Variants in ANKRD36 observed in about 807,000 individuals in gnomAD.
ANKRD36 encodes the protein ankyrin repeat domain-containing protein 36A.
Under a neutral mutation model 278.1 loss-of-function variants are expected in ANKRD36, and 179 were observed. That is an observed-to-expected ratio of 0.64 (90% CI 0.57 to 0.73). ANKRD36 has a LOEUF of 0.73. Among genes scored for constraint, ANKRD36 ranks in the 30% least tolerant of loss-of-function variants. The pLI, the probability that ANKRD36 is intolerant of heterozygous loss-of-function variation, is 0.00. For synonymous variants in ANKRD36, 320 were observed against 641.1 expected (o/e 0.50, Z 7.57); for missense variants, 1,159 against 1,956.7 (o/e 0.59, Z 7.69).
chr2:97,144,174 G>A (rs983379845), intron 8 of ANKRD36, among the ~76,000 whole-genome samples: 5 of 152,044 alleles, frequency 3.3e-5, no homozygotes, highest in African/African-American at 7.2e-5. Context: ...CACCTGCTTC[G>A]ACATTGATTC....
At chr2:97,194,241 G>T (rs1009014899) in intron 38 of ANKRD36, among the ~76,000 whole-genome samples, 3 of 151,614 alleles carry the variant, frequency 2.0e-5, no homozygotes, top group East Asian at 2.0e-4. Flanking sequence ...TGAAGTGTAC[G>T]TTCAACTGGA....
chr2:97,222,132 A>G (rs1422857094), intron 66 of ANKRD36, among the ~76,000 whole-genome samples: 7 of 151,952 alleles, frequency 4.6e-5, no homozygotes, highest in Non-Finnish European at 8.8e-5. Context: ...TGTTCCATTG[A>G]TCTATATTTC....
intron 42 of ANKRD36, among the ~76,000 whole-genome samples, chr2:97,197,232 C>A (rs1211251511): frequency 1.3e-5 from 2 of 151,860 alleles, no homozygotes; most frequent in African/African-American, 4.8e-5. Flanking sequence ...AATCATTTTG[C>A]CAAAGAAGAC....
At chr2:97,186,279 G>A (rs1323779526) in intron 30 of ANKRD36, among the ~76,000 whole-genome samples, 2 of 150,776 alleles carry the variant, frequency 1.3e-5, no homozygotes, top group African/African-American at 4.9e-5. Context: ...GCTATCTCAC[G>A]GATAAAATAG....
chr2:97,229,385 T>C (rs1222727584), intron 67 of ANKRD36, among the ~76,000 whole-genome samples: 2 of 152,098 alleles, frequency 1.3e-5, no homozygotes, highest in African/African-American at 4.8e-5. Flanking sequence ...TCTTTACCAT[T>C]ATGTAATGGC....
At chr2:97,154,151 G>A (rs1423280787) in intron 14 of ANKRD36, among the ~76,000 whole-genome samples, 1 of 145,828 alleles carries the variant, frequency 6.9e-6, no homozygotes, top group Non-Finnish European at 1.6e-5. Flanking sequence ...AGAATCAATG[G>A]GCCCTCTTTA....
chr2:97,174,399 A>G (rs2053596857), intron 22 of ANKRD36, among the ~76,000 whole-genome samples: 1 of 151,548 alleles, frequency 6.6e-6, no homozygotes, highest in African/African-American at 2.4e-5. Flanking sequence ...GAATTGGGAT[A>G]AACCACAGTG....
intron 22 of ANKRD36, among the ~76,000 whole-genome samples, chr2:97,178,137 C>A (rs1247018047): frequency 9.3e-5 from 14 of 150,860 alleles, no homozygotes; most frequent in Non-Finnish European, 2.1e-4. Context: ...GATACCATCT[C>A]ACACCAGTTA....
chr2:97,115,321 GA>G (rs2034958073), intron 1 of ANKRD36, among the ~76,000 whole-genome samples: 1 of 151,560 alleles, frequency 6.6e-6, no homozygotes, highest in Admixed American at 6.6e-5. Flanking sequence ...AAAGATAACA[GA>G]AAAAAACACA....
intron 11 of ANKRD36, among the ~76,000 whole-genome samples, chr2:97,147,934 G>C (rs1331963107): frequency 2.0e-5 from 3 of 151,386 alleles, no homozygotes; most frequent in Non-Finnish European, 4.4e-5. Context: ...TGAAGAGTTT[G>C]CTGCCTTTTT....
chr2:97,185,256 T>G, intron 28 of ANKRD36, 60 bp from the exon 29 acceptor site: 1 of 1,561,050 alleles, frequency 6.4e-7, no homozygotes, highest in Non-Finnish European at 8.8e-7. Context: ...ACTTCATGAA[T>G]GTATAGATAA....
intron 11 of ANKRD36, 85 bp from the exon 12 acceptor site, chr2:97,149,210 T>G (rs562755791): frequency 0.028 from 26,904 of 960,832 alleles, 702 homozygotes; most frequent in Middle Eastern, 0.037. Context: ...TTTTTTGGAG[T>G]GGACATACGT....
chr2:97,161,399 A>T (rs1357372577), intron 17 of ANKRD36, among the ~76,000 whole-genome samples: 1 of 151,852 alleles, frequency 6.6e-6, no homozygotes, highest in African/African-American at 2.4e-5. Context: ...ATACCTTTAA[A>T]ATACCTTTAA....
intron 17 of ANKRD36, among the ~76,000 whole-genome samples, chr2:97,161,709 T>C (rs1328947573): frequency 1.3e-5 from 2 of 152,060 alleles, no homozygotes; most frequent in Non-Finnish European, 2.9e-5. Context: ...GTAGTTCTTA[T>C]TGGCTATGCT....
chr2:97,175,780 C>G (rs1378526846), intron 22 of ANKRD36, among the ~76,000 whole-genome samples: 10 of 150,180 alleles, frequency 6.7e-5, no homozygotes, highest in African/African-American at 2.5e-4. Context: ...AAATTTCCCT[C>G]TACACACTGC....
rs1042893791 is a variant in ANKRD36 at position 97,205,987 on chromosome 2, A to G, written c.3090+19A>G. On this transcript the variant is annotated intron_variant, in intron 51 of 75. Coordinates refer to ENST00000420699, the MANE Select transcript of ANKRD36 (RefSeq NM_001354587.1). Reference sequence around the variant, plus strand: ...CTTGAAGGTAATGAAACTCCCATTTATATTGTGAACGAGTTAATATATGGT... The same window carrying G: ...CTTGAAGGTAATGAAACTCCCATTTGTATTGTGAACGAGTTAATATATGGT... The G allele has an allele frequency of 1.9e-6, 3 of 1,552,004 alleles. No individual in the cohort carries two copies. Among genetic ancestry groups the G allele is most frequent in the Non-Finnish European group, 2.6e-6 (3 of 1,152,132 alleles).
intron 44 of ANKRD36, among the ~76,000 whole-genome samples, chr2:97,199,820 C>T (rs1377787468): frequency 3.3e-5 from 5 of 151,918 alleles, no homozygotes; most frequent in African/African-American, 1.2e-4. Context: ...CAATTCAGGA[C>T]ACTTGCACTG....
At chr2:97,218,087 A>G (rs2066437406) in intron 64 of ANKRD36, among the ~76,000 whole-genome samples, 2 of 151,988 alleles carry the variant, frequency 1.3e-5, no homozygotes, top group South Asian at 2.1e-4. Flanking sequence ...TTTATTAGTT[A>G]TTCAAATGAG....
chr2:97,117,912 C>T (rs191498704), intron 1 of ANKRD36, 152 bp from the exon 2 acceptor site: 12,639 of 1,125,200 alleles, frequency 0.011, 117 homozygotes, highest in Non-Finnish European at 0.014. Context: ...TATTAAATAG[C>T]CTGCTCTTTC....
Sources: allele counts gnomAD v4.1 joint callset (sites outside exome capture counted in the v4.1 genomes callset), GRCh38; gene constraint gnomAD v4.1.1; transcripts MANE v1.5; gene names NCBI Gene and HGNC (gene_info 2026-07-23, HGNC 2026-07-21).